Variants in KCNQ5 observed in about 807,000 individuals in gnomAD.
KCNQ5 encodes potassium voltage-gated channel subfamily Q member 5, also known as potassium voltage-gated channel subfamily KQT member 5.
Under a neutral mutation model 98.2 loss-of-function variants are expected in KCNQ5, and 30 were observed. The observed-to-expected ratio is 0.31, with a 90% confidence interval of 0.23 to 0.41. The LOEUF (loss-of-function observed/expected upper bound fraction) is 0.41, where lower values mean the gene tolerates loss of function less well. Among genes scored for constraint, KCNQ5 ranks in the 10% least tolerant of loss-of-function variants. The pLI is 1.00. For missense variants in KCNQ5, 835 were observed against 1,182.5 expected, an observed-to-expected ratio of 0.71 and a Z score of 4.31; for synonymous variants, 458 against 449.4, an observed-to-expected ratio of 1.02 and a Z score of -0.24.
chr6:72,772,118 C>T (rs771659090), intron 1 of KCNQ5, among the ~76,000 whole-genome samples: 30 of 152,050 alleles, frequency 2.0e-4, no homozygotes, highest in Non-Finnish European at 4.0e-4. Flanking sequence ...AAATATTGCA[C>T]TATGAAATTT....
At chr6:72,940,531 T>G (rs921785595) in intron 1 of KCNQ5, among the ~76,000 whole-genome samples, 52 of 152,180 alleles carry the variant, frequency 3.4e-4, no homozygotes, top group African/African-American at 1.3e-3. Flanking sequence ...AGGCCCAGTG[T>G]GACTAGGATT....
intron 1 of KCNQ5, among the ~76,000 whole-genome samples, chr6:72,644,689 A>G (rs533085352): frequency 1.3e-5 from 2 of 152,250 alleles, no homozygotes; most frequent in South Asian, 4.1e-4. Context: ...TGGGGAAGGA[A>G]TGAGACAAGG....
chr6:73,044,431 A>G (rs1002284980), intron 3 of KCNQ5, among the ~76,000 whole-genome samples: 1 of 152,224 alleles, frequency 6.6e-6, no homozygotes, highest in African/African-American at 2.4e-5. Flanking sequence ...CCATTAGAAC[A>G]AAGTCTAGAT....
At chr6:72,777,892 G>T (rs1480723894) in intron 1 of KCNQ5, among the ~76,000 whole-genome samples, 2 of 152,092 alleles carry the variant, frequency 1.3e-5, no homozygotes, top group African/African-American at 4.8e-5. Flanking sequence ...GTATGAAGAG[G>T]ATCAAGAGAA....
At chr6:72,925,590 A>G (rs1449913292) in intron 1 of KCNQ5, among the ~76,000 whole-genome samples, 1 of 152,222 alleles carries the variant, frequency 6.6e-6, no homozygotes, top group Non-Finnish European at 1.5e-5. Flanking sequence ...GGGGATACAA[A>G]ACAGAAAACA....
intron 3 of KCNQ5, among the ~76,000 whole-genome samples, chr6:73,070,258 A>G (rs1427831691): frequency 4.6e-5 from 7 of 152,212 alleles, no homozygotes; most frequent in Admixed American, 4.6e-4. Flanking sequence ...AGGCAATAAA[A>G]CATAATAGAA....
chr6:73,173,790 G>A (rs1970548), intron 11 of KCNQ5, among the ~76,000 whole-genome samples: 71,539 of 145,662 alleles, frequency 0.49, 20,944 homozygotes, highest in African/African-American at 0.82. Context: ...TCTCTAAAGG[G>A]AAAAAAAAAA....
At chr6:72,789,937 C>T (rs548384995) in intron 1 of KCNQ5, among the ~76,000 whole-genome samples, 5 of 152,200 alleles carry the variant, frequency 3.3e-5, no homozygotes, top group African/African-American at 4.8e-5. Flanking sequence ...TCACAAAGGA[C>T]CATTTTATAA....
At chr6:73,180,188 C>G (rs1297444107) in intron 11 of KCNQ5, among the ~76,000 whole-genome samples, 1 of 152,110 alleles carries the variant, frequency 6.6e-6, no homozygotes, top group Non-Finnish European at 1.5e-5. Context: ...AGGAAGAGAC[C>G]AAGGACCAAA....
At chr6:72,764,016 T>A (rs1246126013) in intron 1 of KCNQ5, among the ~76,000 whole-genome samples, 4 of 151,962 alleles carry the variant, frequency 2.6e-5, no homozygotes, top group Admixed American at 2.6e-4. Context: ...ACCTCTAAGT[T>A]ACTGTGCAAG....
chr6:73,062,592 A>G (rs914780076), intron 3 of KCNQ5, among the ~76,000 whole-genome samples: 1 of 152,214 alleles, frequency 6.6e-6, no homozygotes, highest in Non-Finnish European at 1.5e-5. Context: ...AAAATGTGGC[A>G]ATTATTCAAG....
At position 72,988,649 on chromosome 6, in the gene KCNQ5, CTTTTT is replaced by C. The variant is rs71540364; in HGVS notation, c.399-15245_399-15241del. ...ACTTGGGGAAAAAAAGCATGATTTTCTTTTTTTTTTTTTTTTTTATTATACTCTAA... is the reference window on the plus strand; with the variant it reads ...ACTTGGGGAAAAAAAGCATGATTTTCTTTTTTTTTTTTTATTATACTCTAA... On this transcript the variant is annotated intron_variant, in intron 1 of 13. Transcript: ENST00000370398. Among the ~76,000 whole-genome samples, 288 of 127,848 alleles carry C rather than the reference CTTTTT, an allele frequency of 2.3e-3. 1 individual carries two copies. The highest frequency in any genetic ancestry group is 7.8e-3 in the African/African-American group (269 of 34,622). 83.9% of individuals were successfully genotyped at this position (127,848 alleles called of 152,430 possible). A position where few individuals can be genotyped will look rare whatever the true frequency, so the allele number is the denominator to read the frequency against.
rs532894166 is a variant in KCNQ5 at position 73,068,801 on chromosome 6, G to GA, written c.617-8514dup. On this transcript the variant is annotated intron_variant, in intron 3 of 13. Coordinates refer to ENST00000370398, the MANE Select transcript of KCNQ5 (RefSeq NM_019842.4). The stretch of plus-strand genomic sequence containing the variant: ...TAGTGTTAGGTATGAGCTGGGAGGA[G>GA]AAAAAAACAATAGTTTAATAAGTAT... Among the ~76,000 whole-genome samples the GA allele has an allele frequency of 4.4e-3, 673 of 152,098 alleles. 6 individuals are homozygous for GA. The highest frequency in any genetic ancestry group is 0.031 in the Middle Eastern group (9 of 294).
intron 1 of KCNQ5, among the ~76,000 whole-genome samples, chr6:72,623,393 T>A (rs1233396745): frequency 2.1e-5 from 3 of 144,098 alleles, no homozygotes; most frequent in Non-Finnish European, 4.5e-5. Flanking sequence ...AGTCAAAGAG[T>A]GTGTGTGTGT....
At chr6:72,746,853 A>G (rs1034471407) in intron 1 of KCNQ5, among the ~76,000 whole-genome samples, 6 of 152,202 alleles carry the variant, frequency 3.9e-5, no homozygotes, top group African/African-American at 1.4e-4. Flanking sequence ...ACTAATGTAT[A>G]CCATACATTA....
At chr6:73,066,457 C>G (rs1428749086) in intron 3 of KCNQ5, among the ~76,000 whole-genome samples, 3 of 152,186 alleles carry the variant, frequency 2.0e-5, no homozygotes, top group African/African-American at 4.8e-5. Flanking sequence ...CTGCTCTATA[C>G]CTCATGCTTG....
chr6:72,808,944 A>T (rs898705252), intron 1 of KCNQ5, among the ~76,000 whole-genome samples: 2 of 151,510 alleles, frequency 1.3e-5, no homozygotes, highest in African/African-American at 4.9e-5. Flanking sequence ...ATGCACACGT[A>T]TGTTTATTGC....
intron 1 of KCNQ5, among the ~76,000 whole-genome samples, chr6:72,634,118 A>C (rs1471309433): frequency 6.6e-6 from 1 of 152,210 alleles, no homozygotes; most frequent in African/African-American, 2.4e-5. Context: ...CTCATATCAG[A>C]TGGGTAGAGT....
intron 1 of KCNQ5, among the ~76,000 whole-genome samples, chr6:72,750,297 GTTAATTATT>G (rs1337169203): frequency 2.6e-5 from 4 of 152,006 alleles, no homozygotes; most frequent in African/African-American, 4.8e-5. Flanking sequence ...AGAATTAAGT[GTTAATTATT>G]TAGAAGTAAA....
Sources: allele counts gnomAD v4.1 joint callset (sites outside exome capture counted in the v4.1 genomes callset), GRCh38; gene constraint gnomAD v4.1.1; transcripts MANE v1.5; gene names NCBI Gene and HGNC (gene_info 2026-07-23, HGNC 2026-07-21).